The following DGKK variants were observed in gnomAD, a reference collection of about 807,000 sequenced individuals.
The protein encoded by DGKK is 142 kDa diacylglycerol kinase.
In DGKK, 35 loss-of-function variants were observed where a neutral mutation model predicts 92.2. The observed-to-expected ratio is 0.38, with a 90% CI of 0.29 to 0.50. The LOEUF is 0.50. DGKK is among the 20% of genes least tolerant of loss of function. The probability of loss-of-function intolerance (pLI) is 0.92; values close to 1 mark genes in which losing one functional copy is unlikely to be tolerated. For missense variants in DGKK, 910 were observed against 992.2 expected (o/e 0.92, Z 1.11); for synonymous variants, 368 against 360.6 (o/e 1.02, Z -0.23).
chrX:50,454,477 C>T (rs1267404847), intron 1 of DGKK, among the ~76,000 whole-genome samples: 3 of 111,445 alleles, frequency 2.7e-5, no homozygotes, highest in African/African-American at 9.8e-5. Context: ...ATCCTTTACA[C>T]TGTCACAATA....
chrX:50,436,868 G>C (rs1926041849), intron 1 of DGKK, among the ~76,000 whole-genome samples: 1 of 110,770 alleles, frequency 9.0e-6, no homozygotes. Flanking sequence ...GTTCTGTGTT[G>C]TTTGATATCA....
intron 3 of DGKK, 66 bp from the exon 4 acceptor site, chrX:50,420,573 G>T: frequency 1.0e-6 from 1 of 978,328 alleles, no homozygotes; most frequent in South Asian, 2.1e-5. Flanking sequence ...CACAGTCTGT[G>T]AACTCTCTAA....
At chrX:50,440,418 A>G (rs782700589) in intron 1 of DGKK, among the ~76,000 whole-genome samples, 1 of 111,935 alleles carries the variant, frequency 8.9e-6, no homozygotes, top group Non-Finnish European at 1.9e-5. Flanking sequence ...AGTAACATCT[A>G]TGACTTTACT....
intron 7 of DGKK, among the ~76,000 whole-genome samples, chrX:50,402,373 G>A (rs976643214): frequency 1.8e-5 from 2 of 112,067 alleles, no homozygotes; most frequent in Non-Finnish European, 3.8e-5. Flanking sequence ...AGCTGTGATT[G>A]TGCCACTGTA....
intron 8 of DGKK, among the ~76,000 whole-genome samples, chrX:50,398,315 G>A (rs1924908191): frequency 8.9e-6 from 1 of 111,871 alleles, no homozygotes; most frequent in Non-Finnish European, 1.9e-5. Flanking sequence ...GGACCTTCCA[G>A]TAGGAAACTT....
At chrX:50,381,824 G>T (rs1192842392) in intron 18 of DGKK, among the ~76,000 whole-genome samples, 1 of 111,873 alleles carries the variant, frequency 8.9e-6, no homozygotes, top group African/African-American at 3.3e-5. Context: ...GCAAGAGACT[G>T]GGAGAAAATA....
chrX:50,375,891 G>T, intron 24 of DGKK, 133 bp downstream of exon 24: 1 of 788,230 alleles, frequency 1.3e-6, no homozygotes, highest in Non-Finnish European at 1.8e-6. Context: ...CTGCCTTCCC[G>T]TCCACTCTCT....
chrX:50,374,643 G>C (rs1478165149), intron 25 of DGKK, among the ~76,000 whole-genome samples: 3 of 111,328 alleles, frequency 2.7e-5, no homozygotes, highest in Non-Finnish European at 5.7e-5. Context: ...GAGGTACAAA[G>C]CAGCTCAAAA....
chrX:50,429,864 G>A (rs982134671), intron 1 of DGKK, among the ~76,000 whole-genome samples: 5 of 112,093 alleles, frequency 4.5e-5, no homozygotes, highest in Non-Finnish European at 9.4e-5. Flanking sequence ...TTGACTGGAA[G>A]AGTAATTAGA....
At chrX:50,469,641 C>A (rs782389973) in intron 1 of DGKK, among the ~76,000 whole-genome samples, 2 of 112,985 alleles carry the variant, frequency 1.8e-5, no homozygotes, top group East Asian at 5.7e-4. Flanking sequence ...CCCACCGCCC[C>A]CACTCAATCC....
chrX:50,466,314 C>A (rs1163792967), intron 1 of DGKK, among the ~76,000 whole-genome samples: 1 of 111,280 alleles, frequency 9.0e-6, no homozygotes, highest in Non-Finnish European at 1.9e-5. Flanking sequence ...GGTTAAACAT[C>A]TGAATCTATA....
At chrX:50,424,115 T>TA (rs1557229443) in intron 2 of DGKK, 133 bp downstream of exon 2, 2 of 474,749 alleles carry the variant, frequency 4.2e-6, no homozygotes, top group African/African-American at 2.4e-5. Context: ...AAGGGCAAGT[T>TA]AAAAAAAGAG....
chrX:50,449,075 T>G (rs782092610), intron 1 of DGKK, among the ~76,000 whole-genome samples: 118 of 111,430 alleles, frequency 1.1e-3, no homozygotes, highest in Non-Finnish European at 1.7e-3. Context: ...ACACATCAGT[T>G]TCCTTCTTTG....
chrX:50,467,622 C>T, intron 1 of DGKK, among the ~76,000 whole-genome samples: 1 of 112,928 alleles, frequency 8.9e-6, no homozygotes, highest in South Asian at 3.6e-4. Context: ...TTTTTTCCCC[C>T]CAAGCTTGCC....
At chrX:50,444,081 C>T in intron 1 of DGKK, among the ~76,000 whole-genome samples, 1 of 110,794 alleles carries the variant, frequency 9.0e-6, no homozygotes, top group Middle Eastern at 4.6e-3. Flanking sequence ...TATGGGTAGT[C>T]TCCAGTATTT....
intron 1 of DGKK, among the ~76,000 whole-genome samples, chrX:50,450,437 T>C (rs1487860667): frequency 8.9e-6 from 1 of 112,041 alleles, no homozygotes; most frequent in Non-Finnish European, 1.9e-5. Flanking sequence ...GTTCCGTTGG[T>C]GGGCTTCAAG....
intron 27 of DGKK, among the ~76,000 whole-genome samples, chrX:50,369,470 C>T (rs1261244960): frequency 9.4e-6 from 1 of 106,752 alleles, no homozygotes; most frequent in Non-Finnish European, 1.9e-5. Flanking sequence ...TCATTTCGCT[C>T]CCTTTCTTTC....
rs1927027930 is a variant in DGKK, at chrX:50,470,266, G to GCCGGCTCTGGGA, written c.401_412dup (p.Val134_Pro137dup). 1.7e-6 allele frequency: 2 copies of GCCGGCTCTGGGA among 1,208,871 alleles called. No individual in the cohort carries two copies. Among genetic ancestry groups the GCCGGCTCTGGGA allele is most frequent in the East Asian group, 5.9e-5 (2 of 33,784 alleles). ...GGCAACTTCTGGAGTCAGCTCTGGG[G>GCCGGCTCTGGGA]CCGGCTCTGGGACCGACTCTAGGGC... On this transcript the variant is annotated inframe_insertion, in exon 1 of 28. Coordinates refer to ENST00000611977, the MANE Select transcript of DGKK (RefSeq NM_001013742.4).
chrX:50,469,379 AC>A (rs782205922), intron 1 of DGKK, among the ~76,000 whole-genome samples: 1 of 112,844 alleles, frequency 8.9e-6, no homozygotes, highest in South Asian at 3.7e-4. Flanking sequence ...TGGCTTCGAC[AC>A]ACGCATGCTC....
Sources: gnomAD v4.1 joint callset for allele counts (sites outside exome capture counted in the v4.1 genomes callset) on GRCh38, gnomAD v4.1.1 for gene constraint, MANE v1.5 for transcripts, NCBI Gene and HGNC (gene_info 2026-07-23, HGNC 2026-07-21) for gene names.